MTF2: variants seen among roughly 807,000 people sequenced by gnomAD.
MTF2 encodes metal response element binding transcription factor 2.
Under a neutral mutation model 79.5 loss-of-function variants are expected in MTF2, and 11 were observed. The ratio of observed to expected loss-of-function variants is 0.14; its 90% CI spans 0.09 to 0.23. MTF2 has a LOEUF of 0.23. Among genes scored for constraint, MTF2 ranks in the 10% least tolerant of loss-of-function variants. The probability of loss-of-function intolerance (pLI) is 1.00; values close to 1 mark genes in which losing one functional copy is unlikely to be tolerated. For missense variants in MTF2, 486 were observed against 711.2 expected (o/e 0.68, Z 3.60); for synonymous variants, 208 against 232.8 (o/e 0.89, Z 0.97).
At chr1:93,131,006 T>C (rs1656896100) in intron 11 of MTF2, among the ~76,000 whole-genome samples, 1 of 151,672 alleles carries the variant, frequency 6.6e-6, no homozygotes, top group Non-Finnish European at 1.5e-5. Flanking sequence ...ATACAGGCAA[T>C]TGGATGTGTA....
chr1:93,127,421 A>G, intron 10 of MTF2, 122 bp downstream of exon 10: 1 of 618,216 alleles, frequency 1.6e-6, no homozygotes, highest in Non-Finnish European at 2.9e-6. Context: ...TTTAAACTTT[A>G]TAATGTCCTA....
Position 93,136,733 on chromosome 1 carries a change from G to A in MTF2, c.1488G>A (p.Leu496=). The A allele has an allele frequency of 6.2e-7, 1 of 1,614,166 alleles. No homozygotes were observed. Among genetic ancestry groups the A allele is most frequent in the East Asian group, 2.2e-5 (1 of 44,886 alleles). Residue 496 remains leucine (L), a synonymous_variant, in exon 15 of 15, where the codon TTG becomes TTA. Coordinates refer to ENST00000370298, the MANE Select transcript of MTF2 (RefSeq NM_007358.4). ...GRSWPAAIPH[L]RRRRGRLPRR... ...CTTGGCCTGCTGCAATACCACATTTGCGGAGAAGAAGAGGTCGTCTTCCAA... is the reference window on the plus strand; with the variant it reads ...CTTGGCCTGCTGCAATACCACATTTACGGAGAAGAAGAGGTCGTCTTCCAA...
chr1:93,087,033 C>T (rs1654871625), intron 1 of MTF2, among the ~76,000 whole-genome samples: 1 of 152,168 alleles, frequency 6.6e-6, no homozygotes, highest in Non-Finnish European at 1.5e-5. Context: ...TCGTTCGGGA[C>T]ACTGAATAAA....
Position 93,137,111 on chromosome 1 carries a change from T to A in MTF2, c.*84T>A. 1 of 1,152,354 alleles carries A rather than the reference T, an allele frequency of 8.7e-7. No individual in the cohort carries two copies. The highest frequency in any genetic ancestry group is 1.2e-6 in the Non-Finnish European group (1 of 833,926). 71.4% of individuals were successfully genotyped at this position (1,152,354 alleles called of 1,614,324 possible). A position where few individuals can be genotyped will look rare whatever the true frequency, so the allele number is the denominator to read the frequency against. The stretch of plus-strand genomic sequence containing the variant: ...CCCTAAAGGAGTCTGGCTTTTACTA[T>A]CTTTCTTAAAAAAAAAAAAAAGTCA... On this transcript the variant is annotated 3_prime_UTR_variant, in exon 15 of 15. Transcript: ENST00000370298.
chr1:93,086,802 C>T (rs191075952), intron 1 of MTF2, among the ~76,000 whole-genome samples: 14 of 152,184 alleles, frequency 9.2e-5, no homozygotes, highest in Admixed American at 7.2e-4. Flanking sequence ...ATGTATACTA[C>T]AGGCAGCTGT....
At chr1:93,125,652 A>G (rs1656666704) in intron 9 of MTF2, among the ~76,000 whole-genome samples, 2 of 151,932 alleles carry the variant, frequency 1.3e-5, no homozygotes, top group African/African-American at 4.8e-5. Flanking sequence ...TGGGTATGAT[A>G]GGGGATACTC....
chr1:93,120,304 A>G (rs1444304360), intron 8 of MTF2: 11 of 197,340 alleles, frequency 5.6e-5, no homozygotes, highest in South Asian at 3.7e-4. Context: ...TCTCCAAGAA[A>G]AAAAAAAAAA....
At chr1:93,107,323 C>A (rs1166884238) in intron 1 of MTF2, among the ~76,000 whole-genome samples, 1 of 152,168 alleles carries the variant, frequency 6.6e-6, no homozygotes, top group East Asian at 1.9e-4. Flanking sequence ...CTCCCAGGTT[C>A]AAGCGGTTCT....
chr1:93,110,310 C>T lies in MTF2; in HGVS notation c.86C>T (p.Thr29Ile). The T allele has an allele frequency of 6.2e-7, 1 of 1,614,120 alleles. No individual in the cohort carries two copies. Among genetic ancestry groups the T allele is most frequent in the Non-Finnish European group, 8.5e-7 (1 of 1,180,014 alleles). Residue 29 changes from threonine (T) to isoleucine (I), a missense_variant, in exon 2 of 15, where the codon ACC becomes ATC. This residue lies in a region of MTF2 where 75 missense variants were observed against 83.8 expected (regional missense o/e 0.89). Coordinates refer to ENST00000370298, the MANE Select transcript of MTF2 (RefSeq NM_007358.4). ...AACCAAAAGACCCCAACATCCTTGA[C>T]CAAGCTGTCTTTACAGGATGGACAT... ...RRNQKTPTSLTKLSLQDGHKA... is the reference protein window; with the variant it reads ...RRNQKTPTSLIKLSLQDGHKA...
Position 93,079,333 on chromosome 1 carries a change from T to G in MTF2, c.-194T>G. 1.5e-6 allele frequency: 1 copy of G among 648,946 alleles called. No homozygotes were observed. The highest frequency in any genetic ancestry group is 2.6e-5 in the Admixed American group (1 of 37,938). 40.2% of individuals were successfully genotyped at this position (648,946 alleles called of 1,614,324 possible). On this transcript the variant is annotated 5_prime_UTR_variant, in exon 1 of 15. Transcript: ENST00000370298. ...GGGGCTGTATTGAAGTGGGCTGTGT[T>G]TGAGGCCGGTGTAAGAACGCTCATT...
chr1:93,118,471 A>G (rs1571242237), intron 7 of MTF2, 31 bp downstream of exon 7: 1 of 1,440,036 alleles, frequency 6.9e-7, no homozygotes, highest in African/African-American at 1.4e-5. Context: ...TTACTGGCTG[A>G]TTTTTGTCAC....
intron 1 of MTF2, among the ~76,000 whole-genome samples, chr1:93,082,723 T>A (rs1413984908): frequency 6.6e-6 from 1 of 152,220 alleles, no homozygotes; most frequent in Non-Finnish European, 1.5e-5. Flanking sequence ...ATAATTCACA[T>A]GCATTCTTTG....
rs1335580689 is a variant in MTF2, at chr1:93,138,888, G to T, written c.*1861G>T. The T allele has an allele frequency of 6.6e-6, 1 of 152,142 alleles. No homozygotes were observed. The highest frequency in any genetic ancestry group is 1.5e-5 in the Non-Finnish European group (1 of 68,002). 9.4% of individuals were successfully genotyped at this position (152,142 alleles called of 1,614,324 possible). On this transcript the variant is annotated 3_prime_UTR_variant, in exon 15 of 15. Transcript: ENST00000370298. ...TAACTGAACACCAGCAGTATTTTTA[G>T]AAATTTTTCTTTAACATACTTGGAA...
At chr1:93,136,171 G>C (rs935380877) in intron 14 of MTF2, among the ~76,000 whole-genome samples, 1 of 152,156 alleles carries the variant, frequency 6.6e-6, no homozygotes, top group Non-Finnish European at 1.5e-5. Flanking sequence ...CTGACTGCTA[G>C]TTTGTGCTTA....
chr1:93,129,558 A>ATTTTTTTTTTTTTT (rs200494793), intron 11 of MTF2, 110 bp downstream of exon 11: 1 of 414,952 alleles, frequency 2.4e-6, no homozygotes, highest in Non-Finnish European at 3.7e-6. Context: ...AGTTACTCTG[A>ATTTTTTTTTTTTTT]TTTTTTTTTT....
Position 93,137,346 on chromosome 1 carries a change from A to T in MTF2, c.*319A>T. On this transcript the variant is annotated 3_prime_UTR_variant, in exon 15 of 15. Coordinates refer to ENST00000370298, the MANE Select transcript of MTF2 (RefSeq NM_007358.4). ...ATTTTTCTAATTATTCCATTGAGTC[A>T]GTTTTTTGTGATTAGTGATTATCAG... 5.0e-6 allele frequency: 1 copy of T among 199,446 alleles called. No homozygotes were observed. The highest frequency in any genetic ancestry group is 1.0e-5 in the Non-Finnish European group (1 of 96,832). The allele number at this position is 199,446 out of a possible 1,614,324, so 12.4% of individuals were successfully genotyped here.
intron 1 of MTF2, among the ~76,000 whole-genome samples, chr1:93,083,873 T>C (rs1173107380): frequency 2.0e-5 from 3 of 152,240 alleles, no homozygotes; most frequent in Non-Finnish European, 2.9e-5. Context: ...GTATACCTTC[T>C]TTGGAGAACT....
At chr1:93,112,426 A>G (rs1431455146) in intron 3 of MTF2, among the ~76,000 whole-genome samples, 2 of 152,190 alleles carry the variant, frequency 1.3e-5, no homozygotes, top group African/African-American at 4.8e-5. Flanking sequence ...GGTGAAATAT[A>G]TCATGTTACA....
intron 5 of MTF2, 65 bp from the exon 6 acceptor site, chr1:93,115,405 A>C (rs1345582049): frequency 6.8e-6 from 7 of 1,033,920 alleles, no homozygotes; most frequent in Middle Eastern, 2.2e-4. Context: ...AGTCGTTTTT[A>C]AAGTATAGAA....
Sources: gnomAD v4.1 joint callset for allele counts (sites outside exome capture counted in the v4.1 genomes callset) on GRCh38, gnomAD v4.1.1 for gene constraint, gnomAD v4.1.1 regional missense constraint, MANE v1.5 for transcripts, NCBI Gene and HGNC (gene_info 2026-07-23, HGNC 2026-07-21) for gene names.